Variants in C5 observed in about 807,000 individuals in gnomAD.
The protein encoded by C5 is C3 and PZP-like alpha-2-macroglobulin domain-containing protein 4.
A neutral mutation model predicts 218.8 loss-of-function variants in C5; 140 were observed. The ratio of observed to expected loss-of-function variants is 0.64; its 90% CI spans 0.56 to 0.74. The LOEUF (loss-of-function observed/expected upper bound fraction) is 0.74. Among genes scored for constraint, C5 ranks in the 30% least tolerant of loss-of-function variants. The pLI, the probability that C5 is intolerant of heterozygous loss-of-function variation, is 0.00. For synonymous variants in C5, 614 were observed against 682.3 expected (o/e 0.90, Z 1.56); for missense variants, 1,700 against 1,969.6 (o/e 0.86, Z 2.59).
chr9:121,017,487 C>T lies in C5; in HGVS notation c.1741G>A (p.Ala581Thr), dbSNP rs753084262. The change falls in exon 14 of 41, where the codon GCA becomes ACA. Residue 581 changes from alanine (A) to threonine (T), a missense_variant. Physicochemically the swap from Ala to Thr is moderately conservative, Grantham distance 58. Coordinates refer to ENST00000223642, the MANE Select transcript of C5 (RefSeq NM_001735.3). Reference sequence around the variant, plus strand: ...GACACAGTTTGGCCTGGAGAATATGCATCTGCATCAGGAGACAGATGAACC... The same window carrying T: ...GACACAGTTTGGCCTGGAGAATATGTATCTGCATCAGGAGACAGATGAACC... Reference protein sequence around the residue: ...LQVHLSPDADAYSPGQTVSLN... With the variant: ...LQVHLSPDADTYSPGQTVSLN... 6.2e-7 allele frequency: 1 copy of T among 1,613,806 alleles called. No homozygotes were observed. The highest frequency in any genetic ancestry group is 8.5e-7 in the Non-Finnish European group (1 of 1,179,930).
At chr9:121,050,075 C>T in intron 1 of C5, 107 bp downstream of exon 1, 2 of 929,534 alleles carry the variant, frequency 2.2e-6, no homozygotes, top group Non-Finnish European at 3.6e-6. Flanking sequence ...ACTTGCTGTT[C>T]TCAGAAGTAG....
At chr9:120,976,624 TGGA>T in intron 29 of C5, 73 bp downstream of exon 29, 7 of 1,177,320 alleles carry the variant, frequency 5.9e-6, no homozygotes, top group Non-Finnish European at 9.0e-6. Flanking sequence ...GACAAAGGCA[TGGA>T]GGCCAGATGA....
intron 15 of C5, among the ~76,000 whole-genome samples, chr9:121,015,596 G>T (rs1468180728): frequency 1.3e-5 from 2 of 152,038 alleles, no homozygotes; most frequent in African/African-American, 4.8e-5. Flanking sequence ...TTTATTATTT[G>T]CTCTTTGTGC....
At chr9:120,987,269 G>T (rs984541938) in intron 25 of C5, among the ~76,000 whole-genome samples, 1 of 152,030 alleles carries the variant, frequency 6.6e-6, no homozygotes, top group Non-Finnish European at 1.5e-5. Flanking sequence ...TGGAAATCAT[G>T]GGCAATAATG....
intron 20 of C5, among the ~76,000 whole-genome samples, chr9:121,002,238 G>A (rs12554130): frequency 2.7e-4 from 16 of 58,588 alleles, no homozygotes; most frequent in African/African-American, 5.1e-4. Flanking sequence ...ATGTATATAT[G>A]TATATGTATA....
chr9:121,019,068 A>G (rs1273819837), intron 12 of C5, among the ~76,000 whole-genome samples: 1 of 152,068 alleles, frequency 6.6e-6, no homozygotes, highest in African/African-American at 2.4e-5. Context: ...AAAAAAATAG[A>G]TGAATAAGTG....
rs778810399 is a variant in C5 at position 121,023,546 on chromosome 9, A to G, written c.1001-27T>C. ...TAAGGAAATGGCAAGCATCATGTTGACAGTTTTTAGGAGTATCATGATCTG... is the reference window on the plus strand; with the variant it reads ...TAAGGAAATGGCAAGCATCATGTTGGCAGTTTTTAGGAGTATCATGATCTG... On this transcript the variant is annotated intron_variant, in intron 9 of 40. Coordinates refer to ENST00000223642, the MANE Select transcript of C5 (RefSeq NM_001735.3). The G allele has an allele frequency of 4.4e-6, 6 of 1,349,724 alleles. No individual in the cohort carries two copies. The African/African-American group carries it at 8.6e-5, about 19-fold the overall frequency. 83.6% of individuals were successfully genotyped at this position (1,349,724 alleles called of 1,614,324 possible).
At chr9:121,014,574 GTC>G (rs1330450953) in intron 16 of C5, among the ~76,000 whole-genome samples, 1 of 152,052 alleles carries the variant, frequency 6.6e-6, no homozygotes, top group Non-Finnish European at 1.5e-5. Flanking sequence ...ATTAGTCAAT[GTC>G]TCTCTTTTCA....
intron 22 of C5, among the ~76,000 whole-genome samples, chr9:120,995,448 T>C (rs921423514): frequency 1.3e-5 from 2 of 152,156 alleles, no homozygotes; most frequent in Admixed American, 1.3e-4. Flanking sequence ...TACTCAAATG[T>C]TTGCAAAATT....
chr9:120,980,934 G>C (rs555940950), intron 27 of C5, among the ~76,000 whole-genome samples: 11 of 152,228 alleles, frequency 7.2e-5, no homozygotes, highest in African/African-American at 2.2e-4. Context: ...CAGCGTAGTT[G>C]CAACAGGCAC....
rs41313637 is a variant in C5, at chr9:120,953,673, T to C, written c.4901+57A>G. On this transcript the variant is annotated intron_variant, in intron 40 of 40. Transcript: ENST00000223642. The stretch of plus-strand genomic sequence containing the variant: ...AAGAAACACGTAGTGTATTTAAGAA[T>C]AAATTATACTCAGTTTTGGAGGGAA... The C allele has an allele frequency of 5.0e-3, 7,845 of 1,559,208 alleles. 31 individuals are homozygous for C. Among genetic ancestry groups the C allele is most frequent in the Non-Finnish European group, 6.2e-3 (7,046 of 1,130,272 alleles).
intron 25 of C5, among the ~76,000 whole-genome samples, chr9:120,988,001 C>T (rs2047047041): frequency 6.6e-6 from 1 of 152,148 alleles, no homozygotes; most frequent in Non-Finnish European, 1.5e-5. Flanking sequence ...CCATGTTGGC[C>T]AGGATGGTCT....
the C5 span, among the ~76,000 whole-genome samples, chr9:121,068,748 C>G: frequency 6.6e-6 from 1 of 152,076 alleles, no homozygotes; most frequent in Non-Finnish European, 1.5e-5. Flanking sequence ...GCTGTAGTAA[C>G]CAAAATAGCA....
At chr9:120,968,431 G>T (rs1305155853) in intron 33 of C5, among the ~76,000 whole-genome samples, 1 of 152,198 alleles carries the variant, frequency 6.6e-6, no homozygotes, top group Non-Finnish European at 1.5e-5. Context: ...CCTTGATTTT[G>T]GGACTTCTCA....
intron 4 of C5, 54 bp downstream of exon 4, chr9:121,037,827 A>AT: frequency 1.2e-6 from 1 of 800,414 alleles, no homozygotes; most frequent in African/African-American, 1.7e-5. Context: ...ATGAAATGAG[A>AT]TTCTTGTCCT....
the C5 span, chr9:121,074,805 C>A: frequency 8.8e-6 from 4 of 455,362 alleles, no homozygotes; most frequent in Non-Finnish European, 1.3e-5. Context: ...CCCCGCGCGG[C>A]CGGAAGCCTC....
chr9:121,001,104 A>G (rs530647631), intron 20 of C5, among the ~76,000 whole-genome samples: 5 of 152,352 alleles, frequency 3.3e-5, no homozygotes, highest in African/African-American at 9.6e-5. Context: ...TATAATCAAT[A>G]AAGAATTTAT....
intron 22 of C5, among the ~76,000 whole-genome samples, 169 bp downstream of exon 22, chr9:120,996,071 G>A (rs1044293915): frequency 1.3e-5 from 2 of 151,972 alleles, no homozygotes; most frequent in South Asian, 2.1e-4. Flanking sequence ...CACCCACCTC[G>A]GCCTCCCAAA....
chr9:121,011,234 G>C (rs1277820849), intron 17 of C5, among the ~76,000 whole-genome samples: 3 of 152,066 alleles, frequency 2.0e-5, no homozygotes. Flanking sequence ...CATCTGACAA[G>C]AGATTAATAA....
Sources: gnomAD v4.1 joint callset for allele counts (sites outside exome capture counted in the v4.1 genomes callset) on GRCh38, gnomAD v4.1.1 for gene constraint, MANE v1.5 for transcripts, NCBI Gene and HGNC (gene_info 2026-07-23, HGNC 2026-07-21) for gene names.